Variants in TMEM232 observed in about 807,000 individuals in gnomAD.
The protein encoded by TMEM232 is transmembrane protein 232.
TMEM232 carries 80 observed loss-of-function variants against 78.8 expected under a neutral mutation model. That is an observed-to-expected ratio of 1.01 (90% CI 0.85 to 1.22). The LOEUF is 1.22. Ranked by LOEUF, TMEM232 falls within the 50% of genes most tolerant of loss-of-function variation. The probability of loss-of-function intolerance (pLI) is 0.00; values close to 1 mark genes in which losing one functional copy is unlikely to be tolerated. For synonymous variants in TMEM232, 297 were observed against 254.3 expected, an observed-to-expected ratio of 1.17 and a Z score of -1.60; for missense variants, 881 against 742.2, an observed-to-expected ratio of 1.19 and a Z score of -2.17.
At chr5:110,695,888 T>C (rs1327097198) in intron 1 of TMEM232, among the ~76,000 whole-genome samples, 2 of 152,152 alleles carry the variant, frequency 1.3e-5, no homozygotes, top group Non-Finnish European at 2.9e-5. Context: ...GAGAAGCTGG[T>C]ACCATTCCTT....
intron 8 of TMEM232, chr5:110,610,483 A>C (rs1400332193): frequency 2.2e-6 from 1 of 448,034 alleles, no homozygotes; most frequent in East Asian, 7.0e-5. Context: ...CATATGAACT[A>C]TGAGTAGTCA....
chr5:110,387,487 T>C (rs1345338211), intron 5 of TMEM232: 3 of 152,234 alleles, frequency 2.0e-5, no homozygotes, highest in African/African-American at 7.2e-5. Flanking sequence ...CATATGCCCA[T>C]AGACTTCACT....
intron 11 of TMEM232, among the ~76,000 whole-genome samples, chr5:110,543,051 A>T (rs1441681737): frequency 6.6e-6 from 1 of 152,010 alleles, no homozygotes; most frequent in Non-Finnish European, 1.5e-5. Context: ...TGCTTTTGTC[A>T]TTTCATTCCT....
Position 110,628,280 on chromosome 5 carries a change from G to A in TMEM232, c.502-400C>T, listed in dbSNP as rs371953293. On this transcript the variant is annotated intron_variant, in intron 5 of 13. Coordinates refer to ENST00000455884, the MANE Select transcript of TMEM232 (RefSeq NM_001039763.4). ...TCCTTGTTTCAGTATATAAATGAGT[G>A]TATATTATGTTATCCGAATTGCAAT... 5.3e-5 allele frequency among the ~76,000 whole-genome samples: 8 copies of A among 152,076 alleles called. 1 individual carries two copies. Among genetic ancestry groups the A allele is most frequent in the East Asian group, 3.9e-4 (2 of 5,184 alleles).
chr5:110,672,196 C>G (rs1791447268), intron 1 of TMEM232, among the ~76,000 whole-genome samples: 1 of 152,136 alleles, frequency 6.6e-6, no homozygotes, highest in African/African-American at 2.4e-5. Flanking sequence ...AAGTTAGAGA[C>G]TATTTTAAAC....
intron 11 of TMEM232, among the ~76,000 whole-genome samples, chr5:110,534,975 G>A (rs1253617360): frequency 2.0e-5 from 3 of 151,920 alleles, no homozygotes; most frequent in African/African-American, 4.8e-5. Flanking sequence ...CCCACTATAA[G>A]TTCCCACACC....
intron 8 of TMEM232, among the ~76,000 whole-genome samples, chr5:110,614,423 A>G (rs1348233835): frequency 6.6e-6 from 1 of 152,120 alleles, no homozygotes; most frequent in Non-Finnish European, 1.5e-5. Context: ...TATTGTCTCT[A>G]ATGCCCTACA....
intron 12 of TMEM232, among the ~76,000 whole-genome samples, chr5:110,425,533 T>G (rs2112641025): frequency 6.6e-6 from 1 of 152,124 alleles, no homozygotes; most frequent in Admixed American, 6.6e-5. Flanking sequence ...AGTGAGAAAT[T>G]TCCATATTCA....
chr5:110,576,341 C>G (rs1777571913), intron 10 of TMEM232, among the ~76,000 whole-genome samples: 1 of 152,044 alleles, frequency 6.6e-6, no homozygotes, highest in African/African-American at 2.4e-5. Flanking sequence ...AGTGAAAGAT[C>G]TCTACAAGGA....
chr5:110,483,057 T>A (rs942340201), intron 12 of TMEM232, among the ~76,000 whole-genome samples: 19 of 151,998 alleles, frequency 1.3e-4, no homozygotes, highest in Admixed American at 1.2e-3. Context: ...TGATAATACC[T>A]TTTTTTTCTA....
At chr5:110,515,112 A>T (rs756964518) in intron 12 of TMEM232, among the ~76,000 whole-genome samples, 1 of 152,230 alleles carries the variant, frequency 6.6e-6, no homozygotes, top group Non-Finnish European at 1.5e-5. Flanking sequence ...CCTTGGACTA[A>T]TTAACCTCAT....
chr5:110,475,689 A>G (rs1296017529), intron 12 of TMEM232, among the ~76,000 whole-genome samples: 1 of 151,878 alleles, frequency 6.6e-6, no homozygotes, highest in Non-Finnish European at 1.5e-5. Flanking sequence ...TTTGCAAGGT[A>G]GTAGAGAGTT....
At chr5:110,408,725 G>A (rs1755883983) in intron 2 of TMEM232, among the ~76,000 whole-genome samples, 1 of 151,846 alleles carries the variant, frequency 6.6e-6, no homozygotes, top group Non-Finnish European at 1.5e-5. Flanking sequence ...GTAACATCAG[G>A]AGTAAAAAAG....
intron 1 of TMEM232, among the ~76,000 whole-genome samples, chr5:110,705,954 G>A (rs78193419): frequency 5.3e-5 from 8 of 151,880 alleles, no homozygotes; most frequent in African/African-American, 1.9e-4. Flanking sequence ...GAAGGGAAAA[G>A]GAATGAGACT....
intron 7 of TMEM232, among the ~76,000 whole-genome samples, chr5:110,619,264 G>C (rs1049494523): frequency 1.3e-5 from 2 of 152,066 alleles, no homozygotes; most frequent in African/African-American, 4.8e-5. Flanking sequence ...GAAACACTTA[G>C]AATCTAAAGG....
intron 8 of TMEM232, among the ~76,000 whole-genome samples, chr5:110,609,566 G>C (rs890969349): frequency 1.6e-4 from 25 of 151,894 alleles, no homozygotes; most frequent in African/African-American, 5.3e-4. Context: ...GTAATGAAAA[G>C]GGTAGTATAC....
intron 1 of TMEM232, among the ~76,000 whole-genome samples, chr5:110,691,620 T>C (rs1337376544): frequency 2.0e-5 from 3 of 152,192 alleles, no homozygotes; most frequent in South Asian, 2.1e-4. Flanking sequence ...CTGGATTCTG[T>C]CAAATATTTC....
chr5:110,391,331 G>GAGAA lies in TMEM232; in HGVS notation n.391-692_391-691insTTCT, dbSNP rs1394139415. Reference sequence around the variant, plus strand: ...TGTGTGTGTGTGTGTGTGTGTGAGAGAGAGAGAGAGAGAGAGAAACCTCTG... The same window carrying GAGAA: ...TGTGTGTGTGTGTGTGTGTGTGAGAGAGAAAGAGAGAGAGAGAGAGAAACCTCTG... On this transcript the variant is annotated intron_variant and non_coding_transcript_variant, in intron 3 of 8. Transcript: ENST00000507188. Among the ~76,000 whole-genome samples, 138 of 150,720 alleles carry GAGAA rather than the reference G, an allele frequency of 9.2e-4. 1 individual carries two copies. Among genetic ancestry groups the GAGAA allele is most frequent in the African/African-American group, 3.4e-3 (138 of 40,656 alleles).
rs181479697 is a variant in TMEM232 at position 110,511,233 on chromosome 5, G to A, written c.1703+17355C>T. On this transcript the variant is annotated intron_variant, in intron 12 of 13. Transcript: ENST00000455884. ...ACTGCATGTTCTCACTCGTAAGTGGGAGTTGAACAATGAGAGTACATGGGC... is the reference window on the plus strand; with the variant it reads ...ACTGCATGTTCTCACTCGTAAGTGGAAGTTGAACAATGAGAGTACATGGGC... Among the ~76,000 whole-genome samples the A allele has an allele frequency of 8.5e-5, 13 of 152,234 alleles. No individual in the cohort carries two copies. In the East Asian group the frequency reaches 2.5e-3, roughly 29 times the overall value.
Sources: allele counts gnomAD v4.1 joint callset (sites outside exome capture counted in the v4.1 genomes callset), GRCh38; gene constraint gnomAD v4.1.1; transcripts MANE v1.5; gene names NCBI Gene and HGNC (gene_info 2026-07-23, HGNC 2026-07-21).